The following ZNF804B variants were observed in gnomAD, a reference collection of about 807,000 sequenced individuals.
ZNF804B encodes zinc finger protein 804B, also known as zinc finger 804B.
Under a neutral mutation model 101.4 loss-of-function variants are expected in ZNF804B, and 80 were observed. That is an observed-to-expected ratio of 0.79 (90% CI 0.66 to 0.95). The LOEUF is 0.95. Ranked by LOEUF, ZNF804B falls within the 40% of genes least tolerant of loss-of-function variation. The probability of loss-of-function intolerance (pLI) is 0.00; values close to 1 mark genes in which losing one functional copy is unlikely to be tolerated. For missense variants in ZNF804B, 1,673 were observed against 1,561.9 expected (o/e 1.07, Z -1.20); for synonymous variants, 622 against 558.8 (o/e 1.11, Z -1.59).
At chr7:88,938,323 A>T (rs1270185517) in intron 1 of ZNF804B, among the ~76,000 whole-genome samples, 1 of 152,026 alleles carries the variant, frequency 6.6e-6, no homozygotes, top group East Asian at 1.9e-4. Context: ...GATCTTAGTT[A>T]ATCTCTTTAG....
intron 1 of ZNF804B, among the ~76,000 whole-genome samples, chr7:88,914,127 T>G (rs1450468703): frequency 6.6e-6 from 1 of 152,158 alleles, no homozygotes; most frequent in African/African-American, 2.4e-5. Flanking sequence ...TCTATCCCTT[T>G]GCAAATTCCC....
chr7:88,886,660 T>C (rs1792132966), intron 1 of ZNF804B, among the ~76,000 whole-genome samples: 1 of 151,648 alleles, frequency 6.6e-6, no homozygotes, highest in Non-Finnish European at 1.5e-5. Flanking sequence ...AACAGACGCA[T>C]ATAAGATGGC....
chr7:88,847,537 G>T (rs1021834080), intron 1 of ZNF804B, among the ~76,000 whole-genome samples: 1 of 152,112 alleles, frequency 6.6e-6, no homozygotes, highest in African/African-American at 2.4e-5. Context: ...GGTTTGATCA[G>T]GAGAATCAGT....
intron 1 of ZNF804B, among the ~76,000 whole-genome samples, chr7:89,067,044 A>T (rs1216346955): frequency 6.6e-6 from 1 of 152,116 alleles, no homozygotes; most frequent in Non-Finnish European, 1.5e-5. Context: ...TAAGCTTCAC[A>T]TCTCATAAAA....
At chr7:89,255,637 G>T (rs926514463) in intron 2 of ZNF804B, among the ~76,000 whole-genome samples, 1 of 152,108 alleles carries the variant, frequency 6.6e-6, no homozygotes, top group African/African-American at 2.4e-5. Context: ...AGACTTATCT[G>T]CAAGAGTATA....
intron 1 of ZNF804B, among the ~76,000 whole-genome samples, chr7:88,808,819 T>C (rs1397246942): frequency 6.6e-6 from 1 of 152,172 alleles, no homozygotes; most frequent in African/African-American, 2.4e-5. Flanking sequence ...ATGTGGCTTA[T>C]AAGAGTTAAG....
chr7:88,975,716 G>A (rs1207616330), intron 1 of ZNF804B, among the ~76,000 whole-genome samples: 2 of 151,558 alleles, frequency 1.3e-5, no homozygotes, highest in Non-Finnish European at 3.0e-5. Context: ...CTCCCAATCT[G>A]TGGGTTGTCT....
At chr7:88,858,676 G>A (rs1002903580) in intron 1 of ZNF804B, among the ~76,000 whole-genome samples, 10 of 152,062 alleles carry the variant, frequency 6.6e-5, no homozygotes, top group South Asian at 2.1e-4. Context: ...TTAACAGAAA[G>A]GCCATAATGA....
At chr7:89,283,875 G>A (rs1016337215) in intron 2 of ZNF804B, among the ~76,000 whole-genome samples, 33 of 151,978 alleles carry the variant, frequency 2.2e-4, no homozygotes, top group African/African-American at 7.5e-4. Context: ...GGAGACTTTT[G>A]ATGGTTTAAA....
intron 1 of ZNF804B, among the ~76,000 whole-genome samples, chr7:88,980,255 A>G (rs1344881433): frequency 6.6e-6 from 1 of 151,862 alleles, no homozygotes; most frequent in African/African-American, 2.4e-5. Context: ...GCTATTTTGA[A>G]TTCTCTGTCT....
At chr7:88,988,463 A>G (rs554223360) in intron 1 of ZNF804B, among the ~76,000 whole-genome samples, 1 of 152,258 alleles carries the variant, frequency 6.6e-6, no homozygotes, top group Admixed American at 6.5e-5. Context: ...AAAGGGCATC[A>G]TGCATTCACT....
intron 1 of ZNF804B, among the ~76,000 whole-genome samples, chr7:89,171,338 T>C (rs373018263): frequency 0.089 from 10,649 of 119,618 alleles, 737 homozygotes; most frequent in South Asian, 0.16. Flanking sequence ...CTTCTTCTTC[T>C]TCTTCTTCTT....
At chr7:88,863,525 T>A (rs1791681164) in intron 1 of ZNF804B, among the ~76,000 whole-genome samples, 1 of 152,218 alleles carries the variant, frequency 6.6e-6, no homozygotes, top group South Asian at 2.1e-4. Flanking sequence ...AAGCCCTATT[T>A]TTTTTAACGA....
At chr7:89,039,868 A>C (rs979032511) in intron 1 of ZNF804B, among the ~76,000 whole-genome samples, 1 of 151,964 alleles carries the variant, frequency 6.6e-6, no homozygotes, top group South Asian at 2.1e-4. Flanking sequence ...AGTTTCTTTC[A>C]TATGTGATAA....
chr7:89,327,218 A>G (rs952370315), intron 2 of ZNF804B, 126 bp from the exon 3 acceptor site: 10 of 800,564 alleles, frequency 1.2e-5, no homozygotes, highest in South Asian at 4.8e-5. Context: ...TGGAGAAGAT[A>G]CTTTTACTCT....
chr7:89,000,877 T>C (rs984427235), intron 1 of ZNF804B, among the ~76,000 whole-genome samples: 5 of 149,054 alleles, frequency 3.4e-5, no homozygotes, highest in Non-Finnish European at 3.0e-5. Context: ...ATATGATATA[T>C]ATTATATGCC....
At chr7:89,127,025 T>G (rs1790484220) in intron 1 of ZNF804B, among the ~76,000 whole-genome samples, 1 of 151,512 alleles carries the variant, frequency 6.6e-6, no homozygotes, top group Non-Finnish European at 1.5e-5. Flanking sequence ...ACAAAGAACT[T>G]TAATAATGAT....
At chr7:88,832,960 C>T (rs1474475225) in intron 1 of ZNF804B, among the ~76,000 whole-genome samples, 1 of 151,884 alleles carries the variant, frequency 6.6e-6, no homozygotes, top group East Asian at 1.9e-4. Flanking sequence ...TTAGGCTGGA[C>T]CATCGATTTG....
chr7:89,079,095 A>G (rs1789656651), intron 1 of ZNF804B, among the ~76,000 whole-genome samples: 1 of 152,050 alleles, frequency 6.6e-6, no homozygotes, highest in Non-Finnish European at 1.5e-5. Flanking sequence ...ATTCCCAGTG[A>G]TTTGTCAAGA....
Sources: allele counts gnomAD v4.1 joint callset (sites outside exome capture counted in the v4.1 genomes callset), GRCh38; gene constraint gnomAD v4.1.1; transcripts MANE v1.5; gene names NCBI Gene and HGNC (gene_info 2026-07-23, HGNC 2026-07-21).